SLC13A3: variants seen among roughly 807,000 people sequenced by gnomAD.
SLC13A3 encodes Na(+)/dicarboxylate cotransporter 3.
In SLC13A3, 40 loss-of-function variants were observed where a neutral mutation model predicts 59.0. That is an observed-to-expected ratio of 0.68 (90% CI 0.53 to 0.88). SLC13A3 has a LOEUF of 0.88. Among genes scored for constraint, SLC13A3 ranks in the 40% least tolerant of loss-of-function variants. The probability of loss-of-function intolerance (pLI) is 0.00; values close to 1 mark genes in which losing one functional copy is unlikely to be tolerated. For missense variants in SLC13A3, 699 were observed against 783.2 expected, an observed-to-expected ratio of 0.89 and a Z score of 1.28; for synonymous variants, 317 against 330.3, an observed-to-expected ratio of 0.96 and a Z score of 0.44.
At chr20:46,673,828 C>T (rs2063106621), upstream of SLC13A3, 1 of 152,250 alleles carries the variant, frequency 6.6e-6, no homozygotes, top group Admixed American at 6.5e-5. Context: ...ACACGCTCTA[C>T]ATCATTGGGT....
In SLC13A3 at chr20:46,613,490, A is replaced by G; in HGVS notation, c.347T>C (p.Ile116Thr). 1 of 1,605,896 alleles carries G rather than the reference A, an allele frequency of 6.2e-7. No individual in the cohort carries two copies. Among genetic ancestry groups the G allele is most frequent in the Non-Finnish European group, 8.5e-7 (1 of 1,175,286 alleles). ...CGGCTGGACTCCAACAAGCATCAGG[A>G]TCTTGAGGGCGATTCGCCGGTGCAG... ...WNLHRRIALKILMLVGVQPAR... is the reference protein window; with the variant it reads ...WNLHRRIALKTLMLVGVQPAR... Residue 116 changes from isoleucine (I) to threonine (T), a missense_variant, in exon 2 of 13, where the codon ATC (isoleucine) becomes ACC (threonine). By Grantham distance (89) the Ile-to-Thr change is moderately conservative (BLOSUM62 -1). Transcript: ENST00000279027.
At chr20:46,670,853 G>A (rs1030324297), upstream of SLC13A3, among the ~76,000 whole-genome samples, 1 of 152,166 alleles carries the variant, frequency 6.6e-6, no homozygotes, top group African/African-American at 2.4e-5. Flanking sequence ...ACACACTAAG[G>A]ATGGAAAAGC....
intron 5 of SLC13A3, among the ~76,000 whole-genome samples, chr20:46,594,506 A>G (rs920081942): frequency 5.3e-5 from 8 of 151,800 alleles, no homozygotes; most frequent in Non-Finnish European, 1.2e-4. Context: ...GTCCTGGCAA[A>G]CCCTCATACC....
intron 5 of SLC13A3, among the ~76,000 whole-genome samples, chr20:46,594,812 T>G (rs1320053858): frequency 2.0e-5 from 3 of 151,956 alleles, no homozygotes; most frequent in Non-Finnish European, 2.9e-5. Context: ...AATCAAAGCA[T>G]TTTGGAAGCT....
At chr20:46,682,836 G>C (rs1258063754) in intron 1 of SLC13A3, among the ~76,000 whole-genome samples, 1 of 152,168 alleles carries the variant, frequency 6.6e-6, no homozygotes, top group African/African-American at 2.4e-5. Context: ...AAAACTGCTA[G>C]TGCTGTTGGC....
At chr20:46,622,101 C>T (rs913137440) in intron 1 of SLC13A3, among the ~76,000 whole-genome samples, 2 of 152,172 alleles carry the variant, frequency 1.3e-5, no homozygotes, top group African/African-American at 4.8e-5. Flanking sequence ...TTATCTTGTT[C>T]ACGTCTGTGT....
chr20:46,593,869 G>T (rs2062283766), intron 5 of SLC13A3, among the ~76,000 whole-genome samples: 1 of 152,148 alleles, frequency 6.6e-6, no homozygotes, highest in Non-Finnish European at 1.5e-5. Context: ...AAGTCTAGAA[G>T]AAAGTCTGTT....
chr20:46,632,846 T>C (rs982424133), intron 1 of SLC13A3, among the ~76,000 whole-genome samples: 3 of 151,606 alleles, frequency 2.0e-5, no homozygotes, highest in African/African-American at 7.3e-5. Flanking sequence ...TTCCTTCCTC[T>C]CTCCTTTTCT....
intron 8 of SLC13A3, chr20:46,585,158 T>C (rs1255155386): frequency 1.0e-6 from 1 of 984,784 alleles, no homozygotes; most frequent in Non-Finnish European, 1.2e-6. Context: ...AAAAAAAGAA[T>C]GGAGTAAGTC....
intron 1 of SLC13A3, among the ~76,000 whole-genome samples, chr20:46,642,211 C>T (rs1442457294): frequency 1.3e-5 from 2 of 152,106 alleles, no homozygotes; most frequent in African/African-American, 4.8e-5. Flanking sequence ...TTTATCATAC[C>T]CAAATAAAAC....
intron 1 of SLC13A3, among the ~76,000 whole-genome samples, chr20:46,631,178 G>A (rs868750894): frequency 3.9e-5 from 6 of 152,154 alleles, no homozygotes; most frequent in South Asian, 4.1e-4. Context: ...TTAGTCTCAC[G>A]ACTGGTGGAG....
intron 3 of SLC13A3, among the ~76,000 whole-genome samples, chr20:46,605,583 T>C (rs2062430440): frequency 6.6e-6 from 1 of 152,188 alleles, no homozygotes; most frequent in Admixed American, 6.5e-5. Context: ...CAAAGTTTAT[T>C]ACCTTCCTCT....
chr20:46,637,466 C>T (rs1024003346), intron 1 of SLC13A3, among the ~76,000 whole-genome samples: 1 of 152,078 alleles, frequency 6.6e-6, no homozygotes, highest in Non-Finnish European at 1.5e-5. Flanking sequence ...GAAATGGAGG[C>T]TCAGAGAACC....
intron 1 of SLC13A3, chr20:46,684,292 T>G (rs558378364): frequency 2.0e-5 from 3 of 152,260 alleles, no homozygotes; most frequent in Non-Finnish European, 1.5e-5. Context: ...AGATCTCCAG[T>G]GCCCGGCGCA....
intron 5 of SLC13A3, among the ~76,000 whole-genome samples, 200 bp downstream of exon 5, chr20:46,595,957 T>A (rs1027170367): frequency 6.6e-6 from 1 of 152,222 alleles, no homozygotes; most frequent in Non-Finnish European, 1.5e-5. Context: ...ATTCATTTGC[T>A]TTTTCACTTA....
intron 1 of SLC13A3, among the ~76,000 whole-genome samples, chr20:46,614,745 G>T (rs1387105382): frequency 6.6e-6 from 1 of 152,198 alleles, no homozygotes. Flanking sequence ...GCAAGGTAAT[G>T]GCTGTGCAGA....
intron 3 of SLC13A3, among the ~76,000 whole-genome samples, chr20:46,605,479 C>A (rs2062429357): frequency 6.6e-6 from 1 of 152,166 alleles, no homozygotes; most frequent in Non-Finnish European, 1.5e-5. Flanking sequence ...TTATTCACAT[C>A]ATACAAATCC....
At chr20:46,625,726 G>C (rs2062661837) in intron 1 of SLC13A3, among the ~76,000 whole-genome samples, 1 of 152,138 alleles carries the variant, frequency 6.6e-6, no homozygotes, top group African/African-American at 2.4e-5. Context: ...TTCTGTCTCT[G>C]GCTGTCTTTT....
intron 3 of SLC13A3, chr20:46,600,668 CCATT>C (rs1291751265): frequency 8.1e-5 from 34 of 417,732 alleles, no homozygotes; most frequent in Middle Eastern, 4.2e-4. Context: ...CCCCAATTGT[CCATT>C]CATTCATTCA....
Sources: allele counts gnomAD v4.1 joint callset (sites outside exome capture counted in the v4.1 genomes callset), GRCh38; gene constraint gnomAD v4.1.1; transcripts MANE v1.5; gene names NCBI Gene and HGNC (gene_info 2026-07-23, HGNC 2026-07-21).